SLC25A24: variants seen among roughly 807,000 people sequenced by gnomAD.
SLC25A24 encodes solute carrier family 25 member 24.
SLC25A24 carries 49 observed loss-of-function variants against 60.7 expected under a neutral mutation model. The ratio of observed to expected loss-of-function variants is 0.81; its 90% CI spans 0.64 to 1.02. The LOEUF is 1.02. Among genes scored for constraint, SLC25A24 ranks in the 50% least tolerant of loss-of-function variants. The pLI, the probability that SLC25A24 is intolerant of heterozygous loss-of-function variation, is 0.00. For synonymous variants in SLC25A24, 202 were observed against 200.6 expected, an observed-to-expected ratio of 1.01 and a Z score of -0.06; for missense variants, 564 against 586.3, an observed-to-expected ratio of 0.96 and a Z score of 0.39.
intron 1 of SLC25A24, among the ~76,000 whole-genome samples, chr1:108,195,527 A>C (rs1005614545): frequency 6.6e-6 from 1 of 152,236 alleles, no homozygotes; most frequent in South Asian, 2.1e-4. Flanking sequence ...TCAGGAGAGA[A>C]CACAAAAGAT....
chr1:108,163,692 C>A (rs1297183156), intron 3 of SLC25A24, among the ~76,000 whole-genome samples: 1 of 151,408 alleles, frequency 6.6e-6, no homozygotes, highest in Non-Finnish European at 1.5e-5. Flanking sequence ...AGATTTTGGG[C>A]TGAGACAATG....
At chr1:108,188,522 T>C (rs1648227568) in intron 1 of SLC25A24, among the ~76,000 whole-genome samples, 1 of 152,212 alleles carries the variant, frequency 6.6e-6, no homozygotes, top group African/African-American at 2.4e-5. Flanking sequence ...TGTGGCGCCA[T>C]TTACGTACTG....
intron 3 of SLC25A24, among the ~76,000 whole-genome samples, chr1:108,167,509 G>A (rs1364692605): frequency 2.2e-4 from 34 of 151,516 alleles, no homozygotes; most frequent in African/African-American, 6.6e-4. Context: ...CATTTTTTAA[G>A]CCCGTCAGAA....
intron 1 of SLC25A24, among the ~76,000 whole-genome samples, chr1:108,187,712 G>GA (rs894771012): frequency 3.4e-4 from 52 of 151,308 alleles, no homozygotes; most frequent in Non-Finnish European, 6.8e-4. Context: ...CAAACTTTAA[G>GA]AAAAAAACAC....
chr1:108,191,953 C>A (rs970462999), intron 1 of SLC25A24, among the ~76,000 whole-genome samples: 2 of 139,032 alleles, frequency 1.4e-5, no homozygotes, highest in Non-Finnish European at 3.1e-5. Flanking sequence ...GAAGGGTTAG[C>A]CTAAGCTCGG....
At chr1:108,143,803 G>A (rs1679512592) in intron 7 of SLC25A24, 93 bp from the exon 8 acceptor site, 2 of 915,548 alleles carry the variant, frequency 2.2e-6, no homozygotes, top group African/African-American at 1.7e-5. Context: ...CAAATACCTA[G>A]CACATATTGT....
intron 3 of SLC25A24, among the ~76,000 whole-genome samples, chr1:108,168,053 T>A (rs951812738): frequency 6.6e-6 from 1 of 152,330 alleles, no homozygotes; most frequent in Admixed American, 6.5e-5. Context: ...ATTGAATTAA[T>A]GGATGTCTCT....
intron 1 of SLC25A24, among the ~76,000 whole-genome samples, chr1:108,191,438 T>C (rs370386797): frequency 2.1e-5 from 3 of 140,328 alleles, no homozygotes; most frequent in African/African-American, 7.4e-5. Context: ...ACAAGAACAC[T>C]TAACTTTAAA....
chr1:108,179,975 C>T (rs1440789006), intron 3 of SLC25A24, among the ~76,000 whole-genome samples: 1 of 152,110 alleles, frequency 6.6e-6, no homozygotes, highest in Non-Finnish European at 1.5e-5. Flanking sequence ...ATGATAAATA[C>T]ATGTAATTCT....
intron 2 of SLC25A24, among the ~76,000 whole-genome samples, 175 bp from the exon 3 acceptor site, chr1:108,182,203 T>C (rs868468556): frequency 2.0e-5 from 3 of 152,328 alleles, no homozygotes; most frequent in South Asian, 4.1e-4. Context: ...ATACTAAAAA[T>C]GTAACAAATA....
rs1679272502 is a variant in SLC25A24, at chr1:108,135,995, C to G, written c.*658G>C. The G allele has an allele frequency of 6.6e-6, 1 of 152,102 alleles. No individual in the cohort carries two copies. Among genetic ancestry groups the G allele is most frequent in the Admixed American group, 6.6e-5 (1 of 15,252 alleles). 9.4% of individuals were successfully genotyped at this position (152,102 alleles called of 1,614,324 possible). A position where few individuals can be genotyped will look rare whatever the true frequency, so the allele number is the denominator to read the frequency against. On this transcript the variant is annotated 3_prime_UTR_variant, in exon 10 of 10. Transcript: ENST00000565488. ...GTGTTGGTAATTTAACAGTAATATACTGAAAATTAGTGTATAACTCCAGGA... is the reference window on the plus strand; with the variant it reads ...GTGTTGGTAATTTAACAGTAATATAGTGAAAATTAGTGTATAACTCCAGGA...
intron 1 of SLC25A24, among the ~76,000 whole-genome samples, chr1:108,193,286 G>A (rs925323424): frequency 2.2e-5 from 3 of 137,830 alleles, no homozygotes; most frequent in Non-Finnish European, 4.7e-5. Context: ...CATCACCCAG[G>A]TTGTGAACAA....
At chr1:108,188,689 C>A (rs547663474) in intron 1 of SLC25A24, among the ~76,000 whole-genome samples, 1 of 152,292 alleles carries the variant, frequency 6.6e-6, no homozygotes, top group Admixed American at 6.5e-5. Flanking sequence ...AGGTGACCCA[C>A]AAGAAGACAG....
At chr1:108,163,170 C>T (rs1680138683) in intron 3 of SLC25A24, among the ~76,000 whole-genome samples, 1 of 107,406 alleles carries the variant, frequency 9.3e-6, no homozygotes, top group Non-Finnish European at 1.9e-5. Context: ...GTTTTGGTAC[C>T]AGTACCATGC....
intron 1 of SLC25A24, 105 bp from the exon 2 acceptor site, chr1:108,186,059 G>C (rs1313446757): frequency 9.3e-6 from 8 of 857,788 alleles, no homozygotes; most frequent in African/African-American, 1.8e-5. Context: ...AAAGACTATA[G>C]TACCTATTTT....
At chr1:108,197,970 T>C (rs1177165956) in intron 1 of SLC25A24, among the ~76,000 whole-genome samples, 3 of 152,164 alleles carry the variant, frequency 2.0e-5, no homozygotes, top group Non-Finnish European at 4.4e-5. Flanking sequence ...ACTGAATTAG[T>C]TCCCTCAGTA....
At chr1:108,178,675 G>A (rs1020974223) in intron 3 of SLC25A24, among the ~76,000 whole-genome samples, 4 of 152,060 alleles carry the variant, frequency 2.6e-5, no homozygotes, top group Non-Finnish European at 4.4e-5. Flanking sequence ...TTAGCCGGGC[G>A]TGGTGGCGGG....
At chr1:108,155,950 A>AACACACACAC (rs58815373) in intron 5 of SLC25A24, among the ~76,000 whole-genome samples, 16 of 149,244 alleles carry the variant, frequency 1.1e-4, no homozygotes, top group African/African-American at 3.7e-4. Flanking sequence ...ACTACCACTA[A>AACACACACAC]ACACACACAC....
intron 3 of SLC25A24, among the ~76,000 whole-genome samples, chr1:108,176,757 A>G (rs927452159): frequency 2.0e-5 from 3 of 152,218 alleles, no homozygotes; most frequent in African/African-American, 7.2e-5. Flanking sequence ...AATACCAACC[A>G]AGGGTAATGT....
Sources: allele counts gnomAD v4.1 joint callset (sites outside exome capture counted in the v4.1 genomes callset), GRCh38; gene constraint gnomAD v4.1.1; transcripts MANE v1.5; gene names NCBI Gene and HGNC (gene_info 2026-07-23, HGNC 2026-07-21).